PCDHA5: variants seen among roughly 807,000 people sequenced by gnomAD.
The protein encoded by PCDHA5 is protocadherin alpha 5.
In PCDHA5, 43 loss-of-function variants were observed where a neutral mutation model predicts 61.6. That is an observed-to-expected ratio of 0.70 (90% CI 0.55 to 0.90). PCDHA5 has a LOEUF of 0.90. Among genes scored for constraint, PCDHA5 ranks in the 40% least tolerant of loss-of-function variants. The pLI is 0.00. For missense variants in PCDHA5, 1,298 were observed against 1,222.7 expected, an observed-to-expected ratio of 1.06 and a Z score of -0.92; for synonymous variants, 627 against 543.9, an observed-to-expected ratio of 1.15 and a Z score of -2.13.
rs185275722 is a variant in PCDHA5 at position 140,880,200 on chromosome 5, G to A, written c.2352+56073G>A. Among the ~76,000 whole-genome samples the A allele has an allele frequency of 2.9e-3, 441 of 152,242 alleles. 2 individuals are homozygous for A. The highest frequency in any genetic ancestry group is 9.7e-3 in the African/African-American group (402 of 41,548). ...TGAAGGGAAAAAGATAAACAGAAGA[G>A]GTTTTCCACCAGAAGTAGAACATTT... is the stretch of plus-strand genomic sequence containing the variant. On this transcript the variant is annotated intron_variant, in intron 1 of 3. Coordinates refer to ENST00000529859, the MANE Select transcript of PCDHA5 (RefSeq NM_018908.3).
chr5:140,946,844 G>A (rs189496185), intron 1 of PCDHA5, among the ~76,000 whole-genome samples: 5 of 151,386 alleles, frequency 3.3e-5, no homozygotes, highest in Non-Finnish European at 5.9e-5. Context: ...CAGTAGTAAG[G>A]AGGAGAGATT....
intron 1 of PCDHA5, among the ~76,000 whole-genome samples, chr5:140,900,046 G>A (rs896570608): frequency 2.4e-4 from 36 of 152,294 alleles, no homozygotes; most frequent in Admixed American, 1.6e-3. Context: ...CTGGGCTCAA[G>A]TGATCCTTTA....
chr5:140,922,164 A>G lies in PCDHA5; in HGVS notation c.2353-56785A>G, dbSNP rs1382732959. Among the ~76,000 whole-genome samples the G allele has an allele frequency of 2.1e-5, 3 of 145,926 alleles. No individual in the cohort carries two copies. The East Asian group carries it at 6.4e-4, about 31-fold the overall frequency. Reference sequence around the variant, plus strand: ...CATGAAACTCATCAAAAACAACAAAAAGTACAGCAGACAAAAAAAAAGTCT... The same window carrying G: ...CATGAAACTCATCAAAAACAACAAAGAGTACAGCAGACAAAAAAAAAGTCT... On this transcript the variant is annotated intron_variant, in intron 1 of 3. Transcript: ENST00000529859.
intron 1 of PCDHA5, among the ~76,000 whole-genome samples, chr5:140,943,614 A>G (rs1269579212): frequency 6.6e-6 from 1 of 152,220 alleles, no homozygotes; most frequent in Admixed American, 6.5e-5. Context: ...ACTTTGATTC[A>G]TCTGCATAAG....
intron 3 of PCDHA5, among the ~76,000 whole-genome samples, chr5:140,996,530 T>C (rs1423892657): frequency 6.6e-6 from 1 of 152,210 alleles, no homozygotes; most frequent in East Asian, 1.9e-4. Flanking sequence ...AGGCCCTGTG[T>C]GTTTTGATAT....
chr5:140,872,829 G>T (rs187637058), intron 1 of PCDHA5, among the ~76,000 whole-genome samples: 6 of 152,156 alleles, frequency 3.9e-5, no homozygotes, highest in African/African-American at 1.4e-4. Flanking sequence ...ATCTAGCAGA[G>T]AAAAAATTAA....
intron 1 of PCDHA5, among the ~76,000 whole-genome samples, chr5:140,934,475 A>G (rs1554209923): frequency 6.6e-6 from 1 of 152,172 alleles, no homozygotes; most frequent in African/African-American, 2.4e-5. Context: ...ATTATTTTGA[A>G]AATTATATTC....
intron 1 of PCDHA5, among the ~76,000 whole-genome samples, chr5:140,973,323 A>G (rs1331752602): frequency 1.3e-5 from 2 of 152,160 alleles, no homozygotes; most frequent in African/African-American, 4.8e-5. Flanking sequence ...AACAGAGTTT[A>G]CACTCGTTGT....
chr5:140,969,450 G>GTA (rs782343162), intron 1 of PCDHA5: 4 of 1,511,552 alleles, frequency 2.6e-6, no homozygotes, highest in Non-Finnish European at 3.6e-6. Flanking sequence ...GGTAAACTGA[G>GTA]TATATATAGT....
At chr5:140,839,779 T>A (rs1475940680) in intron 1 of PCDHA5, among the ~76,000 whole-genome samples, 1 of 152,032 alleles carries the variant, frequency 6.6e-6, no homozygotes, top group Non-Finnish European at 1.5e-5. Context: ...TGGTAAGAAT[T>A]TTGTAGAAAT....
chr5:140,883,804 G>T (rs373228578), intron 1 of PCDHA5: 1 of 1,612,420 alleles, frequency 6.2e-7, no homozygotes, highest in African/African-American at 1.3e-5. Context: ...CGGTGCACGC[G>T]GAGAGCGGCA....
intron 1 of PCDHA5, chr5:140,859,995 A>C (rs1279929843): frequency 6.6e-6 from 1 of 152,046 alleles, no homozygotes; most frequent in Non-Finnish European, 1.5e-5. Context: ...CTCTCCATCA[A>C]TACTAACTTA....
At chr5:140,878,562 T>C (rs2057643889) in intron 1 of PCDHA5, among the ~76,000 whole-genome samples, 1 of 152,210 alleles carries the variant, frequency 6.6e-6, no homozygotes, top group Non-Finnish European at 1.5e-5. Context: ...CCCAAACTTA[T>C]CATAGTATAC....
At chr5:140,889,733 A>T (rs192682337) in intron 1 of PCDHA5, among the ~76,000 whole-genome samples, 1 of 152,316 alleles carries the variant, frequency 6.6e-6, no homozygotes, top group Admixed American at 6.5e-5. Context: ...CTCACTGAGT[A>T]GCAGAGTCTA....
chr5:140,970,872 T>C (rs2096439604), intron 1 of PCDHA5, among the ~76,000 whole-genome samples: 3 of 152,158 alleles, frequency 2.0e-5, no homozygotes, highest in African/African-American at 7.2e-5. Flanking sequence ...TGATTGAGAG[T>C]AGATTTTTCT....
At chr5:140,969,584 G>C in intron 1 of PCDHA5, 1 of 907,936 alleles carries the variant, frequency 1.1e-6, no homozygotes, top group Non-Finnish European at 1.6e-6. Context: ...GTGAGGATTA[G>C]TCTTAATATT....
chr5:140,942,629 A>C (rs1401408646), intron 1 of PCDHA5, among the ~76,000 whole-genome samples: 1 of 152,076 alleles, frequency 6.6e-6, no homozygotes, highest in Non-Finnish European at 1.5e-5. Flanking sequence ...TAAAAAAAAA[A>C]ATGGCAAAAG....
chr5:140,999,673 T>G (rs2097868835), intron 3 of PCDHA5, among the ~76,000 whole-genome samples: 1 of 152,050 alleles, frequency 6.6e-6, no homozygotes, highest in Non-Finnish European at 1.5e-5. Context: ...TGCGGGGGGC[T>G]CACAGAAAGA....
intron 1 of PCDHA5, chr5:140,870,988 G>T: frequency 6.2e-7 from 1 of 1,613,492 alleles, no homozygotes; most frequent in Non-Finnish European, 8.5e-7. Flanking sequence ...GTACACGGGC[G>T]AGATAAGCAC....
Sources: gnomAD v4.1 joint callset for allele counts (sites outside exome capture counted in the v4.1 genomes callset) on GRCh38, gnomAD v4.1.1 for gene constraint, MANE v1.5 for transcripts, NCBI Gene and HGNC (gene_info 2026-07-23, HGNC 2026-07-21) for gene names.